ZNF385B: variants seen among roughly 807,000 people sequenced by gnomAD.
The protein encoded by ZNF385B is zinc finger protein 385B, also known as zinc finger protein 533.
Under a neutral mutation model 39.2 loss-of-function variants are expected in ZNF385B, and 23 were observed. The observed-to-expected ratio is 0.59, with a 90% CI of 0.42 to 0.83. The LOEUF is 0.83. ZNF385B is among the 40% of genes least tolerant of loss of function. The probability of loss-of-function intolerance (pLI) is 0.00; values close to 1 mark genes in which losing one functional copy is unlikely to be tolerated. For synonymous variants in ZNF385B, 205 were observed against 222.6 expected (o/e 0.92, Z 0.70); for missense variants, 552 against 598.9 (o/e 0.92, Z 0.82).
intron 1 of ZNF385B, among the ~76,000 whole-genome samples, chr2:179,813,354 G>A (rs1433325061): frequency 6.6e-6 from 1 of 152,062 alleles, no homozygotes; most frequent in Non-Finnish European, 1.5e-5. Flanking sequence ...TTCCAATTTT[G>A]TGGACAGTTT....
chr2:179,693,769 G>C (rs1402278206), intron 3 of ZNF385B, among the ~76,000 whole-genome samples: 1 of 152,124 alleles, frequency 6.6e-6, no homozygotes, highest in Non-Finnish European at 1.5e-5. Flanking sequence ...TTACACATTT[G>C]GTCCCTCCAT....
intron 1 of ZNF385B, among the ~76,000 whole-genome samples, chr2:179,819,034 TAC>T (rs10556902): frequency 0.19 from 27,711 of 147,906 alleles, 2,556 homozygotes; most frequent in East Asian, 0.31. Flanking sequence ...TGTTTATAAA[TAC>T]ACACACACAC....
chr2:179,834,223 A>ATAGC (rs1380411678), intron 1 of ZNF385B, among the ~76,000 whole-genome samples: 8 of 152,160 alleles, frequency 5.3e-5, no homozygotes, highest in African/African-American at 1.7e-4. Context: ...AGTAATAAAC[A>ATAGC]TAGCTAGTTC....
chr2:179,751,445 T>G (rs1702671090), intron 3 of ZNF385B, among the ~76,000 whole-genome samples: 1 of 152,162 alleles, frequency 6.6e-6, no homozygotes, highest in African/African-American at 2.4e-5. Context: ...TCTTCAAAAA[T>G]TTCTGGGAAA....
intron 3 of ZNF385B, among the ~76,000 whole-genome samples, chr2:179,591,740 A>G (rs776260400): frequency 2.0e-5 from 3 of 152,032 alleles, no homozygotes; most frequent in Non-Finnish European, 4.4e-5. Context: ...TAAATTGGAT[A>G]TGATGGAATG....
chr2:179,462,402 G>A (rs1559266025), intron 6 of ZNF385B, among the ~76,000 whole-genome samples: 1 of 152,138 alleles, frequency 6.6e-6, no homozygotes, highest in Non-Finnish European at 1.5e-5. Context: ...ACAAAAGGGG[G>A]AAAAACCACA....
At chr2:179,777,046 AAAAGCTG>A (rs1396508540) in intron 1 of ZNF385B, among the ~76,000 whole-genome samples, 1 of 152,002 alleles carries the variant, frequency 6.6e-6, no homozygotes, top group Admixed American at 6.6e-5. Flanking sequence ...AGCTTCAGCC[AAAAGCTG>A]ATAGTTAATT....
chr2:179,782,735 C>T (rs934826626), intron 1 of ZNF385B, among the ~76,000 whole-genome samples: 2 of 151,992 alleles, frequency 1.3e-5, no homozygotes, highest in Non-Finnish European at 2.9e-5. Flanking sequence ...TTTACAACTG[C>T]CACAAAAAGA....
chr2:179,447,267 A>C (rs1224120946), intron 6 of ZNF385B, among the ~76,000 whole-genome samples: 1 of 152,194 alleles, frequency 6.6e-6, no homozygotes, highest in Non-Finnish European at 1.5e-5. Flanking sequence ...AAACATGGTT[A>C]ATTTTGATTA....
intron 3 of ZNF385B, among the ~76,000 whole-genome samples, chr2:179,578,393 T>C (rs767481048): frequency 2.0e-5 from 3 of 152,112 alleles, no homozygotes; most frequent in African/African-American, 7.2e-5. Context: ...CTTAAAACTG[T>C]AACAATTATA....
chr2:179,655,835 G>A (rs531300783), intron 3 of ZNF385B, among the ~76,000 whole-genome samples: 2 of 152,242 alleles, frequency 1.3e-5, no homozygotes, highest in South Asian at 2.1e-4. Context: ...ACAAACAGAT[G>A]GGAATTCCAA....
chr2:179,758,297 A>C (rs192521480), intron 3 of ZNF385B, among the ~76,000 whole-genome samples: 1 of 152,174 alleles, frequency 6.6e-6, no homozygotes, highest in African/African-American at 2.4e-5. Context: ...AAGAAGTCCA[A>C]GATCAAGGTA....
intron 3 of ZNF385B, among the ~76,000 whole-genome samples, chr2:179,673,745 A>G (rs13412593): frequency 0.13 from 19,281 of 152,156 alleles, 1,867 homozygotes; most frequent in African/African-American, 0.27. Context: ...ACTGCCAACA[A>G]TTAAGTGGAA....
chr2:179,850,810 G>A (rs926758274), intron 1 of ZNF385B, among the ~76,000 whole-genome samples: 11 of 152,136 alleles, frequency 7.2e-5, no homozygotes, highest in Non-Finnish European at 1.0e-4. Flanking sequence ...GGGCTAGACC[G>A]AGAGATCCTT....
At chr2:179,686,780 T>G (rs1156985504) in intron 3 of ZNF385B, among the ~76,000 whole-genome samples, 1 of 152,162 alleles carries the variant, frequency 6.6e-6, no homozygotes, top group African/African-American at 2.4e-5. Context: ...ATTATCTTAA[T>G]CTACTAAAAA....
At chr2:179,459,079 T>C (rs1477597228) in intron 6 of ZNF385B, among the ~76,000 whole-genome samples, 1 of 152,216 alleles carries the variant, frequency 6.6e-6, no homozygotes, top group African/African-American at 2.4e-5. Flanking sequence ...CTTCAAAAGC[T>C]TCTTTTAAGA....
intron 3 of ZNF385B, among the ~76,000 whole-genome samples, chr2:179,596,262 G>T (rs1687990738): frequency 6.6e-6 from 1 of 152,080 alleles, no homozygotes; most frequent in South Asian, 2.1e-4. Context: ...CTTTCCCCTG[G>T]ACTACTGGTT....
chr2:179,459,588 A>AGTGTGTGT (rs3053314), intron 6 of ZNF385B, among the ~76,000 whole-genome samples: 123 of 146,022 alleles, frequency 8.4e-4, no homozygotes, highest in African/African-American at 2.6e-3. Flanking sequence ...AGAGAAAATA[A>AGTGTGTGT]GTGTGTGTGT....
chr2:179,527,711 C>G (rs1158105360), intron 4 of ZNF385B, among the ~76,000 whole-genome samples: 1 of 152,104 alleles, frequency 6.6e-6, no homozygotes, highest in Non-Finnish European at 1.5e-5. Flanking sequence ...ACATATTACA[C>G]ATTTATAAAT....
Sources: gnomAD v4.1 joint callset for allele counts (sites outside exome capture counted in the v4.1 genomes callset) on GRCh38, gnomAD v4.1.1 for gene constraint, MANE v1.5 for transcripts, NCBI Gene and HGNC (gene_info 2026-07-23, HGNC 2026-07-21) for gene names.